Variants in PHEX observed in about 807,000 individuals in gnomAD.
PHEX encodes phosphate-regulating neutral endopeptidase PHEX.
Under a neutral mutation model 68.0 loss-of-function variants are expected in PHEX, and 16 were observed. The ratio of observed to expected loss-of-function variants is 0.24; its 90% CI spans 0.16 to 0.36. PHEX has a LOEUF of 0.36. PHEX is among the 10% of genes least tolerant of loss of function. The probability of loss-of-function intolerance (pLI) is 1.00; values close to 1 mark genes in which losing one functional copy is unlikely to be tolerated. For synonymous variants in PHEX, 208 were observed against 205.1 expected, an observed-to-expected ratio of 1.01 and a Z score of -0.12; for missense variants, 480 against 575.5, an observed-to-expected ratio of 0.83 and a Z score of 1.70.
At chrX:22,224,494 G>A (rs746046732) in intron 18 of PHEX, among the ~76,000 whole-genome samples, 3 of 111,509 alleles carry the variant, frequency 2.7e-5, no homozygotes, top group African/African-American at 6.5e-5. Context: ...ACCTCCCAGC[G>A]GTCTCCAGAT....
In PHEX at chrX:22,077,260, C is replaced by T. The variant is rs190967150; in HGVS notation, c.437-216C>T. Among the ~76,000 whole-genome samples the T allele has an allele frequency of 3.0e-4, 34 of 111,643 alleles. No homozygotes were observed. The East Asian group carries it at 6.2e-3, about 20-fold the overall frequency. ...CCCTGGTCAGCTCTCCTGGCAAGAA[C>T]ACTAGGTATAGACAGTCACATTGAA... On this transcript the variant is annotated intron_variant, in intron 4 of 21. Coordinates refer to ENST00000379374, the MANE Select transcript of PHEX (RefSeq NM_000444.6).
At chrX:22,239,089 G>A (rs1936090069) in intron 20 of PHEX, among the ~76,000 whole-genome samples, 1 of 112,017 alleles carries the variant, frequency 8.9e-6, no homozygotes, top group African/African-American at 3.3e-5. Flanking sequence ...TAGCCAAACA[G>A]GGTCTGGAGA....
chrX:22,124,314 C>T (rs1240046526), intron 11 of PHEX, among the ~76,000 whole-genome samples: 1 of 112,288 alleles, frequency 8.9e-6, no homozygotes, highest in Admixed American at 9.4e-5. Flanking sequence ...TGAACACTTA[C>T]TCTTGTCCTT....
intron 9 of PHEX, among the ~76,000 whole-genome samples, chrX:22,105,898 G>A (rs1250249777): frequency 9.0e-6 from 1 of 111,546 alleles, no homozygotes; most frequent in African/African-American, 3.3e-5. Flanking sequence ...TGGAATATTT[G>A]CATTATAATT....
At chrX:22,178,742 A>G (rs1232308609) in intron 14 of PHEX, among the ~76,000 whole-genome samples, 2 of 112,477 alleles carry the variant, frequency 1.8e-5, no homozygotes, top group Admixed American at 1.9e-4. Flanking sequence ...TACTTAAACT[A>G]TGATTAGAAA....
chrX:22,151,715 G>T (rs961643142), intron 12 of PHEX, among the ~76,000 whole-genome samples: 1 of 111,892 alleles, frequency 8.9e-6, no homozygotes, highest in Admixed American at 9.5e-5. Context: ...GACGTTTCCT[G>T]ACAGGAGAGC....
chrX:22,190,327 A>G (rs1934157742), intron 14 of PHEX, 117 bp from the exon 15 acceptor site: 2 of 573,755 alleles, frequency 3.5e-6, no homozygotes, highest in Non-Finnish European at 6.3e-6. Flanking sequence ...CTCATGTCCA[A>G]CATCCCCATT....
At chrX:22,066,816 A>G (rs1273501190) in intron 3 of PHEX, among the ~76,000 whole-genome samples, 1 of 111,804 alleles carries the variant, frequency 8.9e-6, no homozygotes, top group African/African-American at 3.3e-5. Context: ...TTTTAAACCT[A>G]TGTTTACAGT....
rs1472874965 is a variant in PHEX, at chrX:22,218,181, T to C, written c.1701-855T>C. Among the ~76,000 whole-genome samples the C allele has an allele frequency of 1.5e-4, 17 of 111,034 alleles. No homozygotes were observed. The Admixed American group carries it at 1.5e-3, about 10-fold the overall frequency. ...CATTTGGCCTCATTCCCTCTAGCTG[T>C]GTAGTTGAACTTCTTTGCAAGTGAC... is the stretch of plus-strand genomic sequence containing the variant. On this transcript the variant is annotated intron_variant, in intron 16 of 21. Transcript: ENST00000379374.
At chrX:22,225,674 C>G (rs1408163257) in intron 18 of PHEX, among the ~76,000 whole-genome samples, 3 of 112,288 alleles carry the variant, frequency 2.7e-5, no homozygotes, top group African/African-American at 9.7e-5. Context: ...TCATGTGCCA[C>G]CACAATATTA....
chrX:22,067,693 G>A (rs1439819662), intron 3 of PHEX, among the ~76,000 whole-genome samples: 1 of 111,472 alleles, frequency 9.0e-6, no homozygotes, highest in Non-Finnish European at 1.9e-5. Context: ...TTCTCAAAGT[G>A]TATTCCCCCG....
chrX:22,047,145 C>G lies in PHEX; in HGVS notation c.283C>G (p.Pro95Ala), dbSNP rs1927577913. Residue 95 changes from proline to alanine, a missense_variant, in exon 3 of 22, where the codon CCC becomes GCC. Coordinates refer to ENST00000379374, the MANE Select transcript of PHEX (RefSeq NM_000444.6). ...CDGWISNNPI[P>A]EDMPSYGVYP... ...TGGCTGGATAAGCAATAATCCAATT[C>G]CCGAAGATATGCCAAGCTATGGGGT... The G allele has an allele frequency of 8.3e-7, 1 of 1,206,487 alleles. No homozygotes were observed. The highest frequency in any genetic ancestry group is 2.2e-5 in the Admixed American group (1 of 45,636).
In PHEX at chrX:22,219,152, C is replaced by G. The variant is rs975287181; in HGVS notation, c.1768+49C>G. The G allele has an allele frequency of 1.1e-5, 9 of 787,117 alleles. No homozygotes were observed. The Middle Eastern group carries it at 1.5e-3, about 133-fold the overall frequency. 64.9% of individuals were successfully genotyped at this position (787,117 alleles called of 1,213,427 possible). A position where few individuals can be genotyped will look rare whatever the true frequency, so the allele number is the denominator to read the frequency against. Reference sequence around the variant, plus strand: ...GCTGCTGCTTTTATAATAATGTTGACTATATGGATGTTAATTGTTATGATT... The same window carrying G: ...GCTGCTGCTTTTATAATAATGTTGAGTATATGGATGTTAATTGTTATGATT... On this transcript the variant is annotated intron_variant, in intron 17 of 21. Transcript: ENST00000379374.
Position 22,123,830 on chromosome X carries a change from TTTC to T in PHEX, c.1302+9247_1302+9249del, listed in dbSNP as rs1348591664. Among the ~76,000 whole-genome samples the T allele has an allele frequency of 1.2e-3, 124 of 100,430 alleles. 1 individual carries two copies. Among genetic ancestry groups the T allele is most frequent in the African/African-American group, 5.3e-3 (115 of 21,639 alleles). 87.2% of individuals were successfully genotyped at this position (100,430 alleles called of 115,157 possible). A position where few individuals can be genotyped will look rare whatever the true frequency, so the allele number is the denominator to read the frequency against. ...CTCGAGGAGCCAAATATAATTTCTT[TTTC>T]TTTTTTTTTTTTTTTTGAGACCAAG... On this transcript the variant is annotated intron_variant, in intron 11 of 21. Transcript: ENST00000379374.
At chrX:22,202,842 A>T (rs759671167) in intron 15 of PHEX, among the ~76,000 whole-genome samples, 2 of 111,889 alleles carry the variant, frequency 1.8e-5, no homozygotes, top group South Asian at 3.7e-4. Flanking sequence ...TCTTTGCCAG[A>T]TGTTAAACTA....
chrX:22,118,848 AC>A (rs779699389), intron 11 of PHEX, among the ~76,000 whole-genome samples: 12 of 112,186 alleles, frequency 1.1e-4, no homozygotes, highest in Non-Finnish European at 2.3e-4. Flanking sequence ...CACACACACA[AC>A]CATGGGAATT....
At chrX:22,074,438 A>G (rs1391144967) in intron 3 of PHEX, among the ~76,000 whole-genome samples, 5 of 110,818 alleles carry the variant, frequency 4.5e-5, no homozygotes, top group Admixed American at 2.9e-4. Context: ...GGATTGCCCT[A>G]TTTAGCATCT....
intron 5 of PHEX, among the ~76,000 whole-genome samples, chrX:22,081,429 C>A (rs1602277512): frequency 8.9e-6 from 1 of 111,771 alleles, no homozygotes; most frequent in East Asian, 2.8e-4. Flanking sequence ...TGGGAGAAAT[C>A]CCTCTTACCT....
At chrX:22,194,799 G>A (rs1934310030) in intron 15 of PHEX, among the ~76,000 whole-genome samples, 1 of 111,937 alleles carries the variant, frequency 8.9e-6, no homozygotes, top group South Asian at 3.7e-4. Flanking sequence ...TTCTTCCCTT[G>A]TCAAGCTGGG....
Sources: gnomAD v4.1 joint callset for allele counts (sites outside exome capture counted in the v4.1 genomes callset) on GRCh38, gnomAD v4.1.1 for gene constraint, MANE v1.5 for transcripts, NCBI Gene and HGNC (gene_info 2026-07-23, HGNC 2026-07-21) for gene names.